The following CRIP2 variants were observed in gnomAD, a reference collection of about 807,000 sequenced individuals.
CRIP2 encodes cysteine-rich protein 2.
CRIP2 carries 31 observed loss-of-function variants against 31.3 expected under a neutral mutation model. That is an observed-to-expected ratio of 0.99 (90% CI 0.74 to 1.34). CRIP2 has a LOEUF of 1.34. Ranked by LOEUF, CRIP2 falls within the 40% of genes most tolerant of loss-of-function variation. The probability of loss-of-function intolerance (pLI) is 0.00; values close to 1 mark genes in which losing one functional copy is unlikely to be tolerated. For missense variants in CRIP2, 389 were observed against 301.6 expected (o/e 1.29, Z -2.15); for synonymous variants, 177 against 127.2 (o/e 1.39, Z -2.63).
rs1463385847 is a variant in CRIP2, at chr14:105,479,208, G to C, written c.490G>C (p.Gly164Arg). 13 of 1,610,802 alleles carry C rather than the reference G, an allele frequency of 8.1e-6. No homozygotes were observed. The highest frequency in any genetic ancestry group is 1.0e-5 in the Non-Finnish European group (12 of 1,179,220). The change falls in exon 6 of 8, where the codon GGG becomes CGG. Residue 164 changes from glycine (G) to arginine (R), a missense_variant. Coordinates refer to ENST00000329146, the MANE Select transcript of CRIP2 (RefSeq NM_001312.4). ...CTGCGGGAAGACACTGACCCCCGGC[G>C]GGCACGCGGAGGTGAGGGGAGTGCA... is the stretch of plus-strand genomic sequence containing the variant. ...ERCGKTLTPG[G>R]HAEHDGQPYC... is the part of the protein sequence containing the mutation.
rs782511415 is a variant in CRIP2, at chr14:105,479,181, C to T, written c.463C>T (p.Arg155Cys). Residue 155 changes from arginine (R) to cysteine (C), a missense_variant, in exon 6 of 8, where the codon CGC becomes TGC. Arg to Cys is a radical substitution (Grantham distance 180). Coordinates refer to ENST00000329146, the MANE Select transcript of CRIP2 (RefSeq NM_001312.4). Reference protein sequence around the residue: ...DWHRPCLRCERCGKTLTPGGH... With the variant: ...DWHRPCLRCECCGKTLTPGGH... ...GCACCGGCCCTGCCTGCGCTGCGAG[C>T]GCTGCGGGAAGACACTGACCCCCGG... 1.2e-6 allele frequency: 2 copies of T among 1,611,550 alleles called. No individual in the cohort carries two copies. Among genetic ancestry groups the T allele is most frequent in the Non-Finnish European group, 8.5e-7 (1 of 1,179,468 alleles).
At position 105,474,922 on chromosome 14, in the gene CRIP2, T is replaced by C; in HGVS notation, c.43+17T>C. The C allele has an allele frequency of 6.6e-7, 1 of 1,504,304 alleles. No homozygotes were observed. Among genetic ancestry groups the C allele is most frequent in the Non-Finnish European group, 8.9e-7 (1 of 1,126,084 alleles). 93.2% of individuals were successfully genotyped at this position (1,504,304 alleles called of 1,614,324 possible). ...TGTACTTCGGTGAGTGCGTGCCCGC[T>C]CCCGGCCCGCTCGGTGCATCCCGCC... is the stretch of plus-strand genomic sequence containing the variant. On this transcript the variant is annotated intron_variant, in intron 1 of 7. Coordinates refer to ENST00000329146, the MANE Select transcript of CRIP2 (RefSeq NM_001312.4). This position sits in a 1 kb window ranked among gnomAD's most constrained non-coding sequence, Gnocchi z 5.1.
At position 105,478,470 on chromosome 14, in the gene CRIP2, C is replaced by T. The variant is rs1248941270; in HGVS notation, c.159C>T (p.Cys53=). 4 of 1,607,648 alleles carry T rather than the reference C, an allele frequency of 2.5e-6. No individual in the cohort carries two copies. Among genetic ancestry groups the T allele is most frequent in the East Asian group, 2.2e-5 (1 of 44,800 alleles). Residue 53 remains cysteine (C), a synonymous_variant, in exon 3 of 8, where the codon TGC becomes TGT. Coordinates refer to ENST00000329146, the MANE Select transcript of CRIP2 (RefSeq NM_001312.4). The surrounding 1 kb of genome is among the most constrained non-coding windows in gnomAD (Gnocchi z 4.9). The part of the protein sequence containing the change: ...GHAEHDGKPF[C]HKPCYATLFG... ...CGCAGCATGACGGGAAGCCGTTCTG[C>T]CACAAGCCGTGCTACGCCACCCTGT... is the stretch of plus-strand genomic sequence containing the variant.
rs587680313 is a variant in CRIP2, at chr14:105,478,209, C to T, written c.44-57C>T. 2.1e-3 allele frequency: 2,776 copies of T among 1,335,156 alleles called. 7 individuals are homozygous for T. Among genetic ancestry groups the T allele is most frequent in the Non-Finnish European group, 2.3e-3 (2,343 of 1,010,524 alleles). 82.7% of individuals were successfully genotyped at this position (1,335,156 alleles called of 1,614,324 possible). On this transcript the variant is annotated intron_variant, in intron 1 of 7. Coordinates refer to ENST00000329146, the MANE Select transcript of CRIP2 (RefSeq NM_001312.4). This position sits in a 1 kb window ranked among gnomAD's most constrained non-coding sequence, Gnocchi z 4.9. Reference sequence around the variant, plus strand: ...GGGGGTGGTGGCTGCCAGGTGGGGGCGGAGGGGGTGCGGGGCGCGCCCCGG... The same window carrying T: ...GGGGGTGGTGGCTGCCAGGTGGGGGTGGAGGGGGTGCGGGGCGCGCCCCGG...
chr14:105,478,050 G>C lies in CRIP2; in HGVS notation c.44-216G>C, dbSNP rs988807347. On this transcript the variant is annotated intron_variant, in intron 1 of 7. Coordinates refer to ENST00000329146, the MANE Select transcript of CRIP2 (RefSeq NM_001312.4). This position sits in a 1 kb window ranked among gnomAD's most constrained non-coding sequence, Gnocchi z 4.9. ...CTCTAGCGGGGTTCCAGGGCTGGGG[G>C]CGCTGAGACCCAGAGGGAGAACAGG... is the stretch of plus-strand genomic sequence containing the variant. Among the ~76,000 whole-genome samples the C allele has an allele frequency of 6.6e-6, 1 of 151,812 alleles. No homozygotes were observed. The highest frequency in any genetic ancestry group is 1.5e-5 in the Non-Finnish European group (1 of 67,896).
chr14:105,472,991 C>T, upstream of CRIP2: 1 of 591,918 alleles, frequency 1.7e-6, no homozygotes, highest in Non-Finnish European at 3.0e-6. Flanking sequence ...GGTGGTCTCC[C>T]TCCAGAAGAG....
At chr14:105,475,919 G>GT in intron 1 of CRIP2, 1 of 985,548 alleles carries the variant, frequency 1.0e-6, no homozygotes, top group Non-Finnish European at 1.2e-6. Flanking sequence ...CCCATACCCA[G>GT]AATGCGGCCA....
chr14:105,479,615 A>C lies in CRIP2; in HGVS notation c.589A>C (p.Ile197Leu), dbSNP rs147969410. ...GAACACCGGTGCGGTGGGCAGCTAC[A>C]TCTATGACCGGGACCCCGAAGGCAA... Reference protein sequence around the residue: ...GVNTGAVGSYIYDRDPEGKVQ... With the variant: ...GVNTGAVGSYLYDRDPEGKVQ... The change falls in exon 8 of 8, where the codon ATC becomes CTC. Residue 197 changes from isoleucine to leucine, a missense_variant. By Grantham distance (5) the Ile-to-Leu change is conservative (BLOSUM62 2). Transcript: ENST00000329146. 6.2e-7 allele frequency: 1 copy of C among 1,612,698 alleles called. No individual in the cohort carries two copies. Among genetic ancestry groups the C allele is most frequent in the Non-Finnish European group, 8.5e-7 (1 of 1,179,926 alleles).
rs1259424757 is a variant in CRIP2, at chr14:105,479,838, C to T, written c.*185C>T. 28 of 642,252 alleles carry T rather than the reference C, an allele frequency of 4.4e-5. No individual in the cohort carries two copies. The Admixed American group carries it at 6.7e-4, about 15-fold the overall frequency. The allele number at this position is 642,252 out of a possible 1,614,324, so 39.8% of individuals were successfully genotyped here. On this transcript the variant is annotated 3_prime_UTR_variant, in exon 8 of 8. Coordinates refer to ENST00000329146, the MANE Select transcript of CRIP2 (RefSeq NM_001312.4). ...TCCCCGAGTCTCTGGTGTGTCTGCCCCCTCTGGCATCCTCTGGGCGTCCCA... is the reference window on the plus strand; with the variant it reads ...TCCCCGAGTCTCTGGTGTGTCTGCCTCCTCTGGCATCCTCTGGGCGTCCCA...
chr14:105,476,450 T>C, intron 1 of CRIP2: 1 of 985,408 alleles, frequency 1.0e-6, no homozygotes, highest in Non-Finnish European at 1.2e-6. Context: ...CGGAGCACAT[T>C]GAGGAGGCCA....
chr14:105,477,440 C>T (rs1335457200), intron 1 of CRIP2: 1 of 985,096 alleles, frequency 1.0e-6, no homozygotes, highest in Non-Finnish European at 1.2e-6. Context: ...GCCTGGCCTT[C>T]CCATGAGGGA....
intron 1 of CRIP2, chr14:105,476,648 C>T: frequency 1.0e-6 from 1 of 985,474 alleles, no homozygotes; most frequent in Non-Finnish European, 1.2e-6. Context: ...GCTGGCAGCC[C>T]TGGGCTGCAG....
At chr14:105,475,520 G>A (rs2083913727) in intron 1 of CRIP2, 1 of 152,394 alleles carries the variant, frequency 6.6e-6, no homozygotes, top group Non-Finnish European at 1.5e-5. Context: ...GTTTCACACG[G>A]GGGTAGGGTG....
Position 105,474,854 on chromosome 14 carries a change from G to T in CRIP2, c.-9G>T, listed in dbSNP as rs782063025. On this transcript the variant is annotated 5_prime_UTR_variant, in exon 1 of 8. Coordinates refer to ENST00000329146, the MANE Select transcript of CRIP2 (RefSeq NM_001312.4). The surrounding 1 kb of genome is among the most constrained non-coding windows in gnomAD (Gnocchi z 5.1). ...GGCGGAGGGCGCGGGCCGACCGGGC[G>T]CACCGACCATGGCCTCCAAATGCCC... 5.3e-5 allele frequency: 79 copies of T among 1,488,454 alleles called. No individual in the cohort carries two copies. The East Asian group carries it at 9.3e-4, about 17-fold the overall frequency. The allele number at this position is 1,488,454 out of a possible 1,614,324, so 92.2% of individuals were successfully genotyped here.
At chr14:105,476,226 C>T (rs781984815) in intron 1 of CRIP2, 80 of 985,376 alleles carry the variant, frequency 8.1e-5, no homozygotes, top group Non-Finnish European at 8.9e-5. Flanking sequence ...GCCTGGGGCT[C>T]TCCAGGGTCT....
At chr14:105,479,252 G>A in intron 6 of CRIP2, 33 bp downstream of exon 6, 2 of 1,579,112 alleles carry the variant, frequency 1.3e-6, no homozygotes, top group Non-Finnish European at 1.7e-6. Context: ...TGGGGGCCGG[G>A]CAGGGGCGCG....
At chr14:105,477,118 C>T (rs1168648866) in intron 1 of CRIP2, 2 of 319,370 alleles carry the variant, frequency 6.3e-6, no homozygotes, top group Admixed American at 6.5e-5. Context: ...TGCATGCTCC[C>T]TCCCCCCAGG....
At chr14:105,473,903 G>A (rs922517141), upstream of CRIP2, among the ~76,000 whole-genome samples, 2 of 152,194 alleles carry the variant, frequency 1.3e-5, no homozygotes, top group African/African-American at 4.8e-5. Context: ...TGGGCGGTGC[G>A]GGAGAAGGGA....
In CRIP2 at chr14:105,479,022, G is replaced by A. The variant is rs782264361; in HGVS notation, c.381G>A (p.Pro127=). ...TCACCGGGGAGCCCAACACGTGCCC[G>A]CGCTGCAGCAAGAAGGTGTACTTCG... ...TTFTGEPNTC[P]RCSKKVYFAE... The change falls in exon 5 of 8, where the codon CCG becomes CCA. Residue 127 remains proline (P), a synonymous_variant. Coordinates refer to ENST00000329146, the MANE Select transcript of CRIP2 (RefSeq NM_001312.4). 27 of 1,582,410 alleles carry A rather than the reference G, an allele frequency of 1.7e-5. No homozygotes were observed. The East Asian group carries it at 2.3e-4, about 14-fold the overall frequency.
Sources: gnomAD v4.1 joint callset for allele counts (sites outside exome capture counted in the v4.1 genomes callset) on GRCh38, gnomAD v4.1.1 for gene constraint, Gnocchi (gnomAD v3.1) non-coding constraint, MANE v1.5 for transcripts, NCBI Gene and HGNC (gene_info 2026-07-23, HGNC 2026-07-21) for gene names.